The following FGF14 variants were observed in gnomAD, a reference collection of about 807,000 sequenced individuals.
The protein encoded by FGF14 is fibroblast growth factor 14, also known as fibroblast growth factor homologous factor 4.
In FGF14, 5 loss-of-function variants were observed where a neutral mutation model predicts 25.5. The ratio of observed to expected loss-of-function variants is 0.20; its 90% CI spans 0.10 to 0.41. The LOEUF (loss-of-function observed/expected upper bound fraction) is 0.41. Among genes scored for constraint, FGF14 ranks in the 10% least tolerant of loss-of-function variants. The pLI, the probability that FGF14 is intolerant of heterozygous loss-of-function variation, is 1.00. For missense variants in FGF14, 222 were observed against 320.1 expected, an observed-to-expected ratio of 0.69 and a Z score of 2.34; for synonymous variants, 138 against 118.3, an observed-to-expected ratio of 1.17 and a Z score of -1.08.
intron 1 of FGF14, among the ~76,000 whole-genome samples, chr13:102,349,551 T>A (rs1156625837): frequency 6.6e-6 from 1 of 152,228 alleles, no homozygotes; most frequent in Non-Finnish European, 1.5e-5. Context: ...TCCATAATAA[T>A]GCCACTTATC....
chr13:102,175,187 T>C (rs1294887857), intron 1 of FGF14, among the ~76,000 whole-genome samples: 1 of 152,142 alleles, frequency 6.6e-6, no homozygotes, highest in African/African-American at 2.4e-5. Context: ...TTATGTGACT[T>C]TAAGTTATAC....
intron 3 of FGF14, among the ~76,000 whole-genome samples, chr13:101,758,898 T>C (rs1027716679): frequency 6.6e-6 from 1 of 152,184 alleles, no homozygotes; most frequent in Non-Finnish European, 1.5e-5. Flanking sequence ...GTTTCCAACA[T>C]GCTTTGAGAC....
chr13:101,934,980 T>C (rs921526410), intron 1 of FGF14, among the ~76,000 whole-genome samples: 4 of 152,252 alleles, frequency 2.6e-5, no homozygotes, highest in Non-Finnish European at 5.9e-5. Context: ...ATATTGTACA[T>C]ATTGTATTGG....
intron 1 of FGF14, among the ~76,000 whole-genome samples, chr13:102,164,056 A>G (rs2047895437): frequency 6.6e-6 from 1 of 152,166 alleles, no homozygotes; most frequent in African/African-American, 2.4e-5. Context: ...GTGACCAGGC[A>G]TATTGCTTTG....
At chr13:102,092,581 T>C (rs1381348570) in intron 1 of FGF14, among the ~76,000 whole-genome samples, 5 of 152,056 alleles carry the variant, frequency 3.3e-5, no homozygotes, top group South Asian at 4.2e-4. Context: ...AAGATAGTTT[T>C]TATGAAAAGG....
chr13:101,930,661 C>T (rs1332209252), intron 1 of FGF14, among the ~76,000 whole-genome samples: 1 of 152,198 alleles, frequency 6.6e-6, no homozygotes, highest in Non-Finnish European at 1.5e-5. Context: ...TACACTGTAA[C>T]AATCCTTGCA....
intron 3 of FGF14, among the ~76,000 whole-genome samples, chr13:101,853,397 A>G (rs1210938672): frequency 1.3e-5 from 2 of 152,068 alleles, no homozygotes; most frequent in Non-Finnish European, 2.9e-5. Flanking sequence ...ATAATAATAT[A>G]CATATCTGAT....
chr13:101,739,368 T>C (rs2036397165), intron 3 of FGF14, among the ~76,000 whole-genome samples: 1 of 152,066 alleles, frequency 6.6e-6, no homozygotes, highest in African/African-American at 2.4e-5. Flanking sequence ...TTTTGAAGTG[T>C]ACAGTCTAAT....
At position 101,906,498 on chromosome 13, in the gene FGF14, C is replaced by T. The variant is rs373358603; in HGVS notation, c.193+9955G>A. Among the ~76,000 whole-genome samples the T allele has an allele frequency of 5.8e-4, 89 of 152,154 alleles. No individual in the cohort carries two copies. In the South Asian group the frequency reaches 0.017, roughly 30 times the overall value. On this transcript the variant is annotated intron_variant, in intron 1 of 4. Transcript: ENST00000376143. ...TAAAAAGACATTAAGCAATGAGAAT[C>T]GCACTATTTTAAAGGCTTTTTCAAA...
intron 4 of FGF14, among the ~76,000 whole-genome samples, chr13:101,726,021 T>A (rs1326869112): frequency 1.3e-5 from 2 of 151,972 alleles, no homozygotes; most frequent in African/African-American, 4.8e-5. Context: ...GTGGATAAAT[T>A]ATTTTAGTAA....
chr13:102,053,169 A>G (rs2042289694), intron 1 of FGF14, among the ~76,000 whole-genome samples: 1 of 152,104 alleles, frequency 6.6e-6, no homozygotes, highest in Non-Finnish European at 1.5e-5. Flanking sequence ...CAATAAGACA[A>G]TAACAAAATA....
chr13:102,186,040 G>A (rs1276386147), intron 1 of FGF14, among the ~76,000 whole-genome samples: 1 of 152,002 alleles, frequency 6.6e-6, no homozygotes, highest in Admixed American at 6.6e-5. Context: ...TTCATTGCCT[G>A]GGCACATTTC....
At chr13:102,148,049 T>G (rs1374285902) in intron 1 of FGF14, among the ~76,000 whole-genome samples, 1 of 152,188 alleles carries the variant, frequency 6.6e-6, no homozygotes, top group Admixed American at 6.5e-5. Context: ...AAATCTGAAT[T>G]AAAATGTTTT....
At chr13:102,165,851 G>A (rs906865057) in intron 1 of FGF14, among the ~76,000 whole-genome samples, 1 of 151,602 alleles carries the variant, frequency 6.6e-6, no homozygotes, top group Non-Finnish European at 1.5e-5. Context: ...ATTCCTGGTT[G>A]CCAGAGGCTG....
intron 1 of FGF14, among the ~76,000 whole-genome samples, chr13:102,114,140 T>C (rs906183671): frequency 1.3e-5 from 2 of 152,168 alleles, no homozygotes; most frequent in Non-Finnish European, 2.9e-5. Flanking sequence ...TAAAAGAGTG[T>C]CTTGTTTGCA....
intron 1 of FGF14, among the ~76,000 whole-genome samples, chr13:102,163,298 G>C (rs1594230609): frequency 6.6e-6 from 1 of 152,206 alleles, no homozygotes; most frequent in Non-Finnish European, 1.5e-5. Context: ...AGAGGTATTA[G>C]AAACCACATG....
intron 1 of FGF14, among the ~76,000 whole-genome samples, chr13:102,076,777 G>GT (rs1317490313): frequency 6.6e-5 from 10 of 151,890 alleles, no homozygotes; most frequent in Admixed American, 3.9e-4. Flanking sequence ...AAAATCTTAA[G>GT]TTTTTTTTAT....
chr13:101,826,856 C>A (rs2042417119), intron 3 of FGF14, among the ~76,000 whole-genome samples: 1 of 151,854 alleles, frequency 6.6e-6, no homozygotes, highest in Non-Finnish European at 1.5e-5. Flanking sequence ...CAGAGTAGTG[C>A]TCACTGTGGC....
chr13:102,030,857 T>C (rs868633737), intron 1 of FGF14, among the ~76,000 whole-genome samples: 3 of 152,060 alleles, frequency 2.0e-5, no homozygotes, highest in South Asian at 4.1e-4. Context: ...ATGGAAAATA[T>C]GGTGTAAGCG....
Sources: allele counts gnomAD v4.1 joint callset (sites outside exome capture counted in the v4.1 genomes callset), GRCh38; gene constraint gnomAD v4.1.1; transcripts MANE v1.5; gene names NCBI Gene and HGNC (gene_info 2026-07-23, HGNC 2026-07-21).